The following ACVR1C variants were observed in gnomAD, a reference collection of about 807,000 sequenced individuals.
ACVR1C encodes the protein activin A receptor type 1C.
ACVR1C carries 23 observed loss-of-function variants against 57.9 expected under a neutral mutation model. That is an observed-to-expected ratio of 0.40 (90% confidence interval 0.29 to 0.56). The LOEUF (loss-of-function observed/expected upper bound fraction) is 0.56. ACVR1C is among the 20% of genes least tolerant of loss of function. The probability of loss-of-function intolerance (pLI) is 0.50; values close to 1 mark genes in which losing one functional copy is unlikely to be tolerated. For synonymous variants in ACVR1C, 214 were observed against 215.3 expected, an observed-to-expected ratio of 0.99 and a Z score of 0.05; for missense variants, 480 against 607.9, an observed-to-expected ratio of 0.79 and a Z score of 2.21.
At chr2:157,581,472 C>A (rs143038919) in intron 2 of ACVR1C, among the ~76,000 whole-genome samples, 266 of 152,142 alleles carry the variant, frequency 1.7e-3, no homozygotes, top group African/African-American at 5.5e-3. Context: ...TGTAAGGATA[C>A]ACACCTACTA....
intron 1 of ACVR1C, among the ~76,000 whole-genome samples, chr2:157,601,315 AAAAAAT>A (rs1254851513): frequency 6.6e-6 from 1 of 152,050 alleles, no homozygotes; most frequent in Non-Finnish European, 1.5e-5. Context: ...AGACAGTCTC[AAAAAAT>A]AAAAATAAAA....
intron 2 of ACVR1C, among the ~76,000 whole-genome samples, chr2:157,563,841 A>C (rs1688297285): frequency 6.6e-6 from 1 of 152,242 alleles, no homozygotes; most frequent in Admixed American, 6.5e-5. Flanking sequence ...ATCTTTGACA[A>C]ACCTGACAAA....
At chr2:157,581,884 A>G (rs1688800521) in intron 2 of ACVR1C, among the ~76,000 whole-genome samples, 1 of 152,186 alleles carries the variant, frequency 6.6e-6, no homozygotes. Flanking sequence ...TTTTGTGATC[A>G]CTTTGAAATT....
At chr2:157,566,852 G>C (rs1204434660) in intron 2 of ACVR1C, among the ~76,000 whole-genome samples, 2 of 152,104 alleles carry the variant, frequency 1.3e-5, no homozygotes, top group Non-Finnish European at 2.9e-5. Context: ...CTCGAACTGG[G>C]TGGAGCCCAC....
intron 3 of ACVR1C, among the ~76,000 whole-genome samples, chr2:157,554,698 G>A (rs777449326): frequency 4.6e-5 from 7 of 152,178 alleles, no homozygotes; most frequent in Admixed American, 6.5e-5. Context: ...GATGCACATA[G>A]AGATGTTATC....
intron 1 of ACVR1C, among the ~76,000 whole-genome samples, chr2:157,617,105 G>GA (rs1405365648): frequency 1.3e-5 from 2 of 151,954 alleles, no homozygotes; most frequent in South Asian, 2.1e-4. Flanking sequence ...AAAGGAAAGG[G>GA]AAAAAATACA....
Position 157,597,363 on chromosome 2 carries a change from G to A in ACVR1C, c.74-9946C>T, listed in dbSNP as rs1162895622. Reference sequence around the variant, plus strand: ...GCCCCCGGGGAGCTCCCCTTGCCTGGACTTGCAGGTTGGAGCTCGGAGCCC... The same window carrying A: ...GCCCCCGGGGAGCTCCCCTTGCCTGAACTTGCAGGTTGGAGCTCGGAGCCC... On this transcript the variant is annotated intron_variant, in intron 1 of 8. Coordinates refer to ENST00000243349, the MANE Select transcript of ACVR1C (RefSeq NM_145259.3). 14 of 985,444 alleles carry A rather than the reference G, an allele frequency of 1.4e-5. No homozygotes were observed. The East Asian group carries it at 3.4e-4, about 24-fold the overall frequency. The allele number at this position is 985,444 out of a possible 1,614,324, so 61.0% of individuals were successfully genotyped here.
intron 3 of ACVR1C, among the ~76,000 whole-genome samples, chr2:157,550,786 G>T (rs1687896504): frequency 6.6e-6 from 1 of 151,094 alleles, no homozygotes; most frequent in African/African-American, 2.4e-5. Context: ...ATGGTTCCTG[G>T]TACAACTGGA....
chr2:157,539,122 T>C (rs917778209), intron 7 of ACVR1C, among the ~76,000 whole-genome samples: 2 of 151,990 alleles, frequency 1.3e-5, no homozygotes, highest in African/African-American at 4.8e-5. Context: ...ATTATGAAAT[T>C]TGTAGCACAG....
At chr2:157,562,055 G>A (rs1215638231) in intron 2 of ACVR1C, among the ~76,000 whole-genome samples, 2 of 152,120 alleles carry the variant, frequency 1.3e-5, no homozygotes, top group South Asian at 4.1e-4. Flanking sequence ...CTGGCACTTT[G>A]GGAGGCCGAG....
Position 157,533,937 on chromosome 2 carries a change from T to C in ACVR1C, c.1463A>G (p.Lys488Arg). The change falls in exon 9 of 9, where the codon AAA becomes AGA. Residue 488 changes from lysine to arginine, a missense_variant. Physicochemically the swap from Lys to Arg is conservative, Grantham distance 26 (BLOSUM62 2). Transcript: ENST00000243349. ...TCATCATTAGGCTTTGCAGTCTTCT[T>C]TGACACAAAGTTGAGATATAGTCTT... ...IKKTISQLCV[K>R]EDCKA 1 of 1,583,224 alleles carries C rather than the reference T, an allele frequency of 6.3e-7. No individual in the cohort carries two copies. The highest frequency in any genetic ancestry group is 1.2e-5 in the South Asian group (1 of 85,232).
chr2:157,597,336 C>T, intron 1 of ACVR1C: 1 of 985,760 alleles, frequency 1.0e-6, no homozygotes, highest in African/African-American at 1.7e-5. Context: ...GCACCCCGGC[C>T]CGCCCCCGGG....
At chr2:157,587,857 C>T (rs901542602) in intron 1 of ACVR1C, among the ~76,000 whole-genome samples, 2 of 152,026 alleles carry the variant, frequency 1.3e-5, no homozygotes, top group Admixed American at 6.6e-5. Flanking sequence ...TGTTCATTTG[C>T]CCTCCTTCCT....
intron 2 of ACVR1C, among the ~76,000 whole-genome samples, chr2:157,557,547 A>G (rs902850836): frequency 6.6e-5 from 10 of 152,112 alleles, no homozygotes; most frequent in Non-Finnish European, 1.5e-4. Flanking sequence ...TCCAGAGGAC[A>G]TAAGCTTCGG....
chr2:157,628,550 G>A (rs775134848), intron 1 of ACVR1C, 22 bp downstream of exon 1: 4 of 1,604,482 alleles, frequency 2.5e-6, no homozygotes, highest in Non-Finnish European at 3.4e-6. Context: ...CGCGGGCGTC[G>A]GGAGAGAAAC....
At chr2:157,541,733 T>A (rs1214997767) in intron 6 of ACVR1C, among the ~76,000 whole-genome samples, 1 of 152,214 alleles carries the variant, frequency 6.6e-6, no homozygotes, top group East Asian at 1.9e-4. Context: ...CCGGAAGTGT[T>A]CCTGGGGCTT....
At position 157,531,109 on chromosome 2, in the gene ACVR1C, A is replaced by G. The variant is rs1687341207; in HGVS notation, c.*2809T>C. 1 of 151,970 alleles carries G rather than the reference A, an allele frequency of 6.6e-6. No individual in the cohort carries two copies. Among genetic ancestry groups the G allele is most frequent in the South Asian group, 2.1e-4 (1 of 4,822 alleles). 9.4% of individuals were successfully genotyped at this position (151,970 alleles called of 1,614,324 possible). On this transcript the variant is annotated 3_prime_UTR_variant, in exon 9 of 9. Transcript: ENST00000243349. Reference sequence around the variant, plus strand: ...GCTTATAACAAAATGTAAAAGAAATAAATATTACACAATGGGACTCCATTA... The same window carrying G: ...GCTTATAACAAAATGTAAAAGAAATGAATATTACACAATGGGACTCCATTA...
At chr2:157,623,201 G>T (rs951984919) in intron 1 of ACVR1C, among the ~76,000 whole-genome samples, 2 of 152,114 alleles carry the variant, frequency 1.3e-5, no homozygotes, top group South Asian at 2.1e-4. Context: ...CCCTTTGGAG[G>T]TTCCTCAAAA....
intron 1 of ACVR1C, among the ~76,000 whole-genome samples, chr2:157,594,333 G>A (rs1409515232): frequency 6.6e-6 from 1 of 151,824 alleles, no homozygotes; most frequent in Non-Finnish European, 1.5e-5. Flanking sequence ...GACCCCTCCA[G>A]GTCTATAGTC....
Sources: allele counts gnomAD v4.1 joint callset (sites outside exome capture counted in the v4.1 genomes callset), GRCh38; gene constraint gnomAD v4.1.1; transcripts MANE v1.5; gene names NCBI Gene and HGNC (gene_info 2026-07-23, HGNC 2026-07-21).